CERS6: variants seen among roughly 807,000 people sequenced by gnomAD.
CERS6 encodes the protein LAG1 homolog, ceramide synthase 6.
A neutral mutation model predicts 56.8 loss-of-function variants in CERS6; 26 were observed. The observed-to-expected ratio is 0.46, with a 90% CI of 0.34 to 0.63. The LOEUF (loss-of-function observed/expected upper bound fraction) is 0.63. CERS6 is among the 30% of genes least tolerant of loss of function. The pLI, the probability that CERS6 is intolerant of heterozygous loss-of-function variation, is 0.01. For missense variants in CERS6, 415 were observed against 467.5 expected (o/e 0.89, Z 1.04); for synonymous variants, 164 against 173.3 (o/e 0.95, Z 0.42).
intron 8 of CERS6, among the ~76,000 whole-genome samples, chr2:168,755,852 G>T (rs1396188910): frequency 6.6e-6 from 1 of 152,162 alleles, no homozygotes. Context: ...TGAGTTAATT[G>T]ATTAGACCCA....
chr2:168,726,968 G>C (rs1211549374), intron 8 of CERS6, among the ~76,000 whole-genome samples: 2 of 152,128 alleles, frequency 1.3e-5, no homozygotes, highest in Non-Finnish European at 2.9e-5. Context: ...TATTGAAACT[G>C]TACCAGTTTG....
At chr2:168,543,974 A>T (rs2390721) in intron 1 of CERS6, among the ~76,000 whole-genome samples, 140,041 of 152,194 alleles carry the variant, frequency 0.92, 65,006 homozygotes, top group Non-Finnish European at 0.99. Flanking sequence ...TTTGGAAAAG[A>T]TAGTAAGGGT....
rs1004630868 is a variant in CERS6 at position 168,680,601 on chromosome 2, A to G, written c.466-10433A>G. Reference sequence around the variant, plus strand: ...GCTGTGATTTGAATGTGTCCCCTCCAGAGTTCAGGTGTTGCCACATGATAT... The same window carrying G: ...GCTGTGATTTGAATGTGTCCCCTCCGGAGTTCAGGTGTTGCCACATGATAT... On this transcript the variant is annotated intron_variant, in intron 4 of 9. Coordinates refer to ENST00000305747, the MANE Select transcript of CERS6 (RefSeq NM_203463.3). 2.6e-5 allele frequency among the ~76,000 whole-genome samples: 3 copies of G among 117,342 alleles called. No individual in the cohort carries two copies. In the South Asian group the frequency reaches 8.8e-4, roughly 34 times the overall value. 77.0% of individuals were successfully genotyped at this position (117,342 alleles called of 152,430 possible).
chr2:168,615,603 C>A (rs1037120211), intron 3 of CERS6, among the ~76,000 whole-genome samples: 2 of 150,076 alleles, frequency 1.3e-5, no homozygotes, highest in Admixed American at 6.8e-5. Flanking sequence ...TAGAGTCGAA[C>A]AAGCAGAAAA....
chr2:168,715,399 A>G (rs1371697216), intron 7 of CERS6, among the ~76,000 whole-genome samples: 3 of 152,218 alleles, frequency 2.0e-5, no homozygotes, highest in Non-Finnish European at 4.4e-5. Flanking sequence ...TACAAAGGAA[A>G]ATCATTATTT....
Position 168,772,961 on chromosome 2 carries a change from T to A in CERS6, c.*3299T>A, listed in dbSNP as rs538117570. On this transcript the variant is annotated 3_prime_UTR_variant, in exon 10 of 10. Coordinates refer to ENST00000305747, the MANE Select transcript of CERS6 (RefSeq NM_203463.3). ...CTGTTGCCAAACTTTCCATTCAGAG[T>A]ATTTGGTGGAGTTTGAATTTGAGCA... The A allele has an allele frequency of 6.6e-6, 1 of 152,498 alleles. No homozygotes were observed. Among genetic ancestry groups the A allele is most frequent in the South Asian group, 2.1e-4 (1 of 4,832 alleles). 9.4% of individuals were successfully genotyped at this position (152,498 alleles called of 1,614,324 possible). A position where few individuals can be genotyped will look rare whatever the true frequency, so the allele number is the denominator to read the frequency against.
intron 1 of CERS6, among the ~76,000 whole-genome samples, chr2:168,520,784 A>G (rs1331715491): frequency 1.3e-5 from 2 of 151,060 alleles, no homozygotes; most frequent in African/African-American, 2.4e-5. Context: ...TTATTTTTGT[A>G]TTATTAATAG....
Position 168,708,264 on chromosome 2 carries a change from T to C in CERS6, c.610-6737T>C, listed in dbSNP as rs79739580. On this transcript the variant is annotated intron_variant, in intron 6 of 9. Transcript: ENST00000305747. ...GATGGAGACTGAGTAGCTACTCTCTTTTGCATGTTGCCAAGTTACATGCTT... is the reference window on the plus strand; with the variant it reads ...GATGGAGACTGAGTAGCTACTCTCTCTTGCATGTTGCCAAGTTACATGCTT... Among the ~76,000 whole-genome samples, 74 of 152,272 alleles carry C rather than the reference T, an allele frequency of 4.9e-4. No homozygotes were observed. The East Asian group carries it at 0.013, about 27-fold the overall frequency.
intron 8 of CERS6, among the ~76,000 whole-genome samples, chr2:168,750,873 G>C (rs1684246647): frequency 6.6e-6 from 1 of 152,152 alleles, no homozygotes; most frequent in Non-Finnish European, 1.5e-5. Flanking sequence ...TCCTCAAATA[G>C]ATAGTAAGTT....
chr2:168,658,321 C>T (rs981733640), intron 4 of CERS6, among the ~76,000 whole-genome samples: 6 of 152,152 alleles, frequency 3.9e-5, no homozygotes, highest in Non-Finnish European at 8.8e-5. Flanking sequence ...TTCGGCTCCC[C>T]GGCCTGGTCA....
chr2:168,510,106 A>C (rs1694752408), intron 1 of CERS6, among the ~76,000 whole-genome samples: 1 of 152,070 alleles, frequency 6.6e-6, no homozygotes, highest in Admixed American at 6.6e-5. Context: ...AAAAAAAAAA[A>C]ACCAAGTTAT....
In CERS6 at chr2:168,690,894, G is replaced by A. The variant is rs1574163267; in HGVS notation, c.466-140G>A. The A allele has an allele frequency of 1.3e-5, 9 of 689,922 alleles. No individual in the cohort carries two copies. The East Asian group carries it at 2.4e-4, about 18-fold the overall frequency. 42.7% of individuals were successfully genotyped at this position (689,922 alleles called of 1,614,324 possible). A position where few individuals can be genotyped will look rare whatever the true frequency, so the allele number is the denominator to read the frequency against. ...TAGTTGCTTTAATATCCTATGCCTAGCTGTTTTAAAGTTTGTCAGTTCTCA... is the reference window on the plus strand; with the variant it reads ...TAGTTGCTTTAATATCCTATGCCTAACTGTTTTAAAGTTTGTCAGTTCTCA... On this transcript the variant is annotated intron_variant, in intron 4 of 9. Transcript: ENST00000305747.
At chr2:168,740,985 A>G (rs999955665) in intron 8 of CERS6, among the ~76,000 whole-genome samples, 3 of 152,100 alleles carry the variant, frequency 2.0e-5, no homozygotes, top group African/African-American at 7.2e-5. Context: ...TATGGAGGGG[A>G]TGGGTAAAGG....
In CERS6 at chr2:168,733,326, C is replaced by T. The variant is rs115773415; in HGVS notation, c.845+15348C>T. On this transcript the variant is annotated intron_variant, in intron 8 of 9. Transcript: ENST00000305747. ...ATCATTTAGAACTAGAATCAGGATA[C>T]GCTTCTCTGGACCAGTATCTTGAGA... 3.5e-3 allele frequency among the ~76,000 whole-genome samples: 529 copies of T among 152,250 alleles called. 3 individuals carry two copies. The highest frequency in any genetic ancestry group is 0.012 in the African/African-American group (489 of 41,540).
At chr2:168,582,833 G>A (rs1683450349) in intron 3 of CERS6, 1 of 154,212 alleles carries the variant, frequency 6.5e-6, no homozygotes, top group Non-Finnish European at 1.5e-5. Context: ...TGATTTCATA[G>A]TGAGCCAGTG....
intron 2 of CERS6, among the ~76,000 whole-genome samples, chr2:168,556,909 C>A (rs1402241545): frequency 7.1e-6 from 1 of 140,634 alleles, no homozygotes; most frequent in African/African-American, 2.6e-5. Flanking sequence ...AATCTCAGCA[C>A]TTTAGGAGGC....
intron 3 of CERS6, among the ~76,000 whole-genome samples, chr2:168,564,264 T>G (rs1695844931): frequency 6.6e-6 from 1 of 152,326 alleles, no homozygotes; most frequent in South Asian, 2.1e-4. Flanking sequence ...TTGCTTCCAC[T>G]CCTGACTTTA....
At chr2:168,652,865 G>T (rs555984378) in intron 4 of CERS6, among the ~76,000 whole-genome samples, 1 of 152,180 alleles carries the variant, frequency 6.6e-6, no homozygotes, top group Non-Finnish European at 1.5e-5. Flanking sequence ...CATTCATTCA[G>T]TTTCATTCCT....
chr2:168,711,640 A>T (rs530195100), intron 6 of CERS6, among the ~76,000 whole-genome samples: 1 of 151,946 alleles, frequency 6.6e-6, no homozygotes, highest in Admixed American at 6.6e-5. Flanking sequence ...TGGCTGAGGC[A>T]CAAGAATGGC....
Sources: gnomAD v4.1 joint callset for allele counts (sites outside exome capture counted in the v4.1 genomes callset) on GRCh38, gnomAD v4.1.1 for gene constraint, MANE v1.5 for transcripts, NCBI Gene and HGNC (gene_info 2026-07-23, HGNC 2026-07-21) for gene names.